Variants in GOLGA5 observed in about 807,000 individuals in gnomAD.
The protein encoded by GOLGA5 is golgin A5.
In GOLGA5, 50 loss-of-function variants were observed where a neutral mutation model predicts 93.5. That is an observed-to-expected ratio of 0.53 (90% CI 0.43 to 0.68). The LOEUF is 0.68. GOLGA5 is among the 30% of genes least tolerant of loss of function. The pLI is 0.00. For synonymous variants in GOLGA5, 312 were observed against 304.5 expected, an observed-to-expected ratio of 1.02 and a Z score of -0.26; for missense variants, 760 against 856.4, an observed-to-expected ratio of 0.89 and a Z score of 1.40.
intron 10 of GOLGA5, among the ~76,000 whole-genome samples, chr14:92,834,824 C>G (rs1404017933): frequency 6.6e-6 from 1 of 152,160 alleles, no homozygotes; most frequent in African/African-American, 2.4e-5. Flanking sequence ...AAAGTGGAAG[C>G]AGGGAGACAG....
At chr14:92,812,893 C>A (rs1444779959) in intron 6 of GOLGA5, among the ~76,000 whole-genome samples, 1 of 152,184 alleles carries the variant, frequency 6.6e-6, no homozygotes, top group Non-Finnish European at 1.5e-5. Context: ...GCTGCCTCTG[C>A]TTCTAATAGC....
chr14:92,819,654 A>AT (rs1885275177), intron 7 of GOLGA5, 54 bp from the exon 8 acceptor site: 1 of 1,568,784 alleles, frequency 6.4e-7, no homozygotes, highest in Non-Finnish European at 8.7e-7. Flanking sequence ...TTGCTCAATA[A>AT]ATGTTGAACT....
At chr14:92,809,007 C>T (rs17128581) in intron 3 of GOLGA5, among the ~76,000 whole-genome samples, 12,484 of 152,162 alleles carry the variant, frequency 0.082, 715 homozygotes, top group South Asian at 0.26. Context: ...ACAAAATATA[C>T]TCTGCTATCT....
chr14:92,832,602 T>C lies in GOLGA5; in HGVS notation c.1720-520T>C, dbSNP rs181247853. On this transcript the variant is annotated intron_variant, in intron 9 of 12. Coordinates refer to ENST00000163416, the MANE Select transcript of GOLGA5 (RefSeq NM_005113.4). ...ATGAGGAAACAGATTCAGAGAAGTA[T>C]AGCAATTAACCTGAAGTCAAATAGC... 1.7e-3 allele frequency among the ~76,000 whole-genome samples: 262 copies of C among 152,350 alleles called. 1 individual carries two copies. Among genetic ancestry groups the C allele is most frequent in the African/African-American group, 6.2e-3 (257 of 41,586 alleles).
chr14:92,803,187 C>T lies in GOLGA5; in HGVS notation c.545-3549C>T, dbSNP rs536426293. On this transcript the variant is annotated intron_variant, in intron 2 of 12. Transcript: ENST00000163416. ...AGTAACTGAGACTGCAGGCACACACCGCCATGCGTAGGTAATTTTGTTCAT... is the reference window on the plus strand; with the variant it reads ...AGTAACTGAGACTGCAGGCACACACTGCCATGCGTAGGTAATTTTGTTCAT... 1.5e-3 allele frequency among the ~76,000 whole-genome samples: 230 copies of T among 152,128 alleles called. 2 individuals are homozygous for T. Among genetic ancestry groups the T allele is most frequent in the African/African-American group, 5.4e-3 (222 of 41,492 alleles).
intron 2 of GOLGA5, among the ~76,000 whole-genome samples, chr14:92,805,801 C>G (rs968457621): frequency 6.6e-6 from 1 of 151,966 alleles, no homozygotes; most frequent in Non-Finnish European, 1.5e-5. Flanking sequence ...AAGTCTTTTA[C>G]CCATATACTG....
At position 92,807,025 on chromosome 14, in the gene GOLGA5, C is replaced by G. The variant is rs111956343; in HGVS notation, c.772+62C>G. On this transcript the variant is annotated intron_variant, in intron 3 of 12. Transcript: ENST00000163416. Reference sequence around the variant, plus strand: ...TTTTAAAAATAAACTTAAGGCTGGACGCAGTGGCTCGTGCCTGTAATCCCA... The same window carrying G: ...TTTTAAAAATAAACTTAAGGCTGGAGGCAGTGGCTCGTGCCTGTAATCCCA... 3,097 of 1,133,540 alleles carry G rather than the reference C, an allele frequency of 2.7e-3. 74 individuals are homozygous for G. In the African/African-American group the frequency reaches 0.039, roughly 14 times the overall value. 70.2% of individuals were successfully genotyped at this position (1,133,540 alleles called of 1,614,324 possible).
intron 11 of GOLGA5, among the ~76,000 whole-genome samples, chr14:92,835,954 A>G (rs552297156): frequency 2.0e-5 from 3 of 152,222 alleles, no homozygotes; most frequent in South Asian, 2.1e-4. Flanking sequence ...TCTTTTTTCT[A>G]TAATAAATTC....
intron 2 of GOLGA5, among the ~76,000 whole-genome samples, chr14:92,803,446 T>C (rs961313557): frequency 1.3e-5 from 2 of 152,254 alleles, no homozygotes; most frequent in Admixed American, 6.5e-5. Flanking sequence ...TTTTCTGTTG[T>C]GTTAATTAAT....
At chr14:92,838,708 A>G (rs1299718513) in intron 12 of GOLGA5, among the ~76,000 whole-genome samples, 1 of 152,040 alleles carries the variant, frequency 6.6e-6, no homozygotes, top group East Asian at 1.9e-4. Flanking sequence ...GAGTACAAAA[A>G]AAAATTGAAT....
intron 7 of GOLGA5, among the ~76,000 whole-genome samples, chr14:92,819,112 G>A (rs1012978471): frequency 2.6e-5 from 4 of 152,100 alleles, no homozygotes; most frequent in African/African-American, 7.2e-5. Context: ...GTGCTATTAT[G>A]TTTCTGATTT....
Position 92,837,466 on chromosome 14 carries a change from G to GA in GOLGA5, c.2115+23dup. The GA allele has an allele frequency of 9.0e-7, 1 of 1,105,648 alleles. No individual in the cohort carries two copies. Among genetic ancestry groups the GA allele is most frequent in the Non-Finnish European group, 1.4e-6 (1 of 729,576 alleles). 68.5% of individuals were successfully genotyped at this position (1,105,648 alleles called of 1,614,324 possible). ...ATATATATGGTAAGTAAATTTATTT[G>GA]AAAAAACAATGATGCACTTGATTTT... On this transcript the variant is annotated intron_variant, in intron 12 of 12. Coordinates refer to ENST00000163416, the MANE Select transcript of GOLGA5 (RefSeq NM_005113.4).
chr14:92,808,176 G>A (rs534429217), intron 3 of GOLGA5, among the ~76,000 whole-genome samples: 1 of 152,160 alleles, frequency 6.6e-6, no homozygotes, highest in South Asian at 2.1e-4. Context: ...GGACCCAGGA[G>A]GTGGAGGTTG....
intron 1 of GOLGA5, 143 bp from the exon 2 acceptor site, chr14:92,797,265 A>G: frequency 1.9e-6 from 1 of 532,524 alleles, no homozygotes; most frequent in East Asian, 3.2e-5. Flanking sequence ...AGCCTCATTT[A>G]AGTAGTTTTC....
chr14:92,839,506 GGCCAATT>G lies in GOLGA5; in HGVS notation c.*64_*70del. Reference sequence around the variant, plus strand: ...TTTCTAGACTTGGGATCTGCAAGAAGGCCAATTGCCTAAAATTTCTGAGAACAGTGCA... The same window carrying G: ...TTTCTAGACTTGGGATCTGCAAGAAGGCCTAAAATTTCTGAGAACAGTGCA... On this transcript the variant is annotated 3_prime_UTR_variant, in exon 13 of 13. Transcript: ENST00000163416. 9.2e-7 allele frequency: 1 copy of G among 1,089,894 alleles called. No individual in the cohort carries two copies. The allele number at this position is 1,089,894 out of a possible 1,614,324, so 67.5% of individuals were successfully genotyped here.
intron 9 of GOLGA5, among the ~76,000 whole-genome samples, chr14:92,826,503 C>T (rs987148472): frequency 8.6e-5 from 13 of 151,922 alleles, no homozygotes; most frequent in African/African-American, 2.9e-4. Context: ...CAAGACCAGC[C>T]AGGCCAACAT....
At position 92,833,222 on chromosome 14, in the gene GOLGA5, G is replaced by A; in HGVS notation, c.1820G>A (p.Ser607Asn). ...TLIQKQTMLE[S>N]LSTEKNSLVF... is the part of the protein sequence containing the mutation. ...ATCCAGAAACAGACCATGCTGGAGAGTCTCAGCACAGAAAAGAACTCCCTG... is the reference window on the plus strand; with the variant it reads ...ATCCAGAAACAGACCATGCTGGAGAATCTCAGCACAGAAAAGAACTCCCTG... Residue 607 changes from serine (S) to asparagine (N), a missense_variant, in exon 10 of 13, where the codon AGT becomes AAT. Physicochemically the swap from Ser to Asn is conservative, Grantham distance 46. Coordinates refer to ENST00000163416, the MANE Select transcript of GOLGA5 (RefSeq NM_005113.4). 2 of 1,612,374 alleles carry A rather than the reference G, an allele frequency of 1.2e-6. No homozygotes were observed. Among genetic ancestry groups the A allele is most frequent in the Non-Finnish European group, 1.7e-6 (2 of 1,178,372 alleles).
chr14:92,795,266 A>G (rs968109674), intron 1 of GOLGA5, among the ~76,000 whole-genome samples: 4 of 152,182 alleles, frequency 2.6e-5, no homozygotes, highest in African/African-American at 7.2e-5. Context: ...GTTACAGAGC[A>G]TTTCATCTCC....
chr14:92,828,211 C>G (rs1406993107), intron 9 of GOLGA5, among the ~76,000 whole-genome samples: 2 of 152,186 alleles, frequency 1.3e-5, no homozygotes, highest in Non-Finnish European at 2.9e-5. Flanking sequence ...AAGTCACTGC[C>G]TGGATTCAAA....
Sources: gnomAD v4.1 joint callset for allele counts (sites outside exome capture counted in the v4.1 genomes callset) on GRCh38, gnomAD v4.1.1 for gene constraint, MANE v1.5 for transcripts, NCBI Gene and HGNC (gene_info 2026-07-23, HGNC 2026-07-21) for gene names.